Variants in SLC12A4 observed in about 807,000 individuals in gnomAD.
SLC12A4 encodes the protein solute carrier family 12 member 4, also known as electroneutral potassium-chloride cotransporter 1.
In SLC12A4, 84 loss-of-function variants were observed where a neutral mutation model predicts 119.2. The observed-to-expected ratio is 0.70, with a 90% CI of 0.59 to 0.85. SLC12A4 has a LOEUF of 0.85. Among genes scored for constraint, SLC12A4 ranks in the 40% least tolerant of loss-of-function variants. The probability of loss-of-function intolerance (pLI) is 0.00; values close to 1 mark genes in which losing one functional copy is unlikely to be tolerated. For missense variants in SLC12A4, 1,298 were observed against 1,476.3 expected, an observed-to-expected ratio of 0.88 and a Z score of 1.98; for synonymous variants, 599 against 604.6, an observed-to-expected ratio of 0.99 and a Z score of 0.14.
chr16:67,949,972 GC>G lies in SLC12A4; in HGVS notation c.1630-55del. The G allele has an allele frequency of 7.1e-7, 1 of 1,416,846 alleles. No homozygotes were observed. The highest frequency in any genetic ancestry group is 9.9e-7 in the Non-Finnish European group (1 of 1,006,068). 87.8% of individuals were successfully genotyped at this position (1,416,846 alleles called of 1,614,324 possible). ...CTGTCACCCCCATTCCACACCTTGG[GC>G]CCCAGACCCCAGCCTGGCCTCCCTC... is the stretch of plus-strand genomic sequence containing the variant. On this transcript the variant is annotated intron_variant, in intron 12 of 23. Transcript: ENST00000316341. The surrounding 1 kb of genome is among the most constrained non-coding windows in gnomAD (Gnocchi z 4.6).
chr16:67,948,747 A>C (rs962825590), intron 13 of SLC12A4, among the ~76,000 whole-genome samples: 3 of 152,052 alleles, frequency 2.0e-5, no homozygotes, highest in Non-Finnish European at 4.4e-5. Flanking sequence ...ATAAAGGCTG[A>C]GATGTAGCCT....
intron 1 of SLC12A4, among the ~76,000 whole-genome samples, chr16:67,964,647 G>A (rs1359684962): frequency 6.6e-6 from 1 of 152,176 alleles, no homozygotes; most frequent in Admixed American, 6.5e-5. Flanking sequence ...GACATGAGAA[G>A]GACTGGCATG....
rs1443956775 is a variant in SLC12A4 at position 67,963,524 on chromosome 16, A to G, written c.151T>C (p.Ser51Pro). The G allele has an allele frequency of 3.2e-6, 5 of 1,585,562 alleles. No individual in the cohort carries two copies. Among genetic ancestry groups the G allele is most frequent in the Non-Finnish European group, 3.4e-6 (4 of 1,171,304 alleles). The change falls in exon 2 of 24, where the codon TCC (serine) becomes CCC (proline). Residue 51 changes from serine (S) to proline (P), a missense_variant. Coordinates refer to ENST00000316341, the MANE Select transcript of SLC12A4 (RefSeq NM_005072.5). ...ATTCCTCTGGAAGCCTCCAAGGGGG[A>G]AAGAAAAGGGCTGCTCTCTCTGTGG... is the stretch of plus-strand genomic sequence containing the variant. ...GNHRESSPFL[S>P]PLEASRGIDY...
chr16:67,960,151 C>A (rs1349179502), intron 3 of SLC12A4, among the ~76,000 whole-genome samples: 2 of 152,242 alleles, frequency 1.3e-5, no homozygotes, highest in Non-Finnish European at 2.9e-5. Context: ...GCCCAGGCAT[C>A]CCTCCCACAT....
In SLC12A4 at chr16:67,951,565, C is replaced by T; in HGVS notation, c.1132+258G>A. On this transcript the variant is annotated intron_variant, in intron 8 of 23. Coordinates refer to ENST00000316341, the MANE Select transcript of SLC12A4 (RefSeq NM_005072.5). This position sits in a 1 kb window ranked among gnomAD's most constrained non-coding sequence, Gnocchi z 5.2. The stretch of plus-strand genomic sequence containing the variant: ...CCTTCCACAGAGGCCTTTATGGATC[C>T]TGTGGGAACATCCCCAGGCAGTGTC... The T allele has an allele frequency of 1.6e-6, 1 of 609,094 alleles. No homozygotes were observed. Among genetic ancestry groups the T allele is most frequent in the Non-Finnish European group, 2.9e-6 (1 of 346,510 alleles). 37.7% of individuals were successfully genotyped at this position (609,094 alleles called of 1,614,324 possible). A position where few individuals can be genotyped will look rare whatever the true frequency, so the allele number is the denominator to read the frequency against.
At position 67,945,827 on chromosome 16, in the gene SLC12A4, C is replaced by T. The variant is rs2058338265; in HGVS notation, c.2784G>A (p.Met928Ile). 6.2e-7 allele frequency: 1 copy of T among 1,613,994 alleles called. No individual in the cohort carries two copies. The highest frequency in any genetic ancestry group is 8.5e-7 in the Non-Finnish European group (1 of 1,180,036). Residue 928 changes from methionine (M) to isoleucine (I), a missense_variant, in exon 21 of 24, where the codon ATG becomes ATA. By Grantham distance (10) the Met-to-Ile change is conservative. Transcript: ENST00000316341. ...GCAGCATCTGCGACCGCTGCTCCATCATCAGCGTCCGCTCGTAGGTGTATG... is the reference window on the plus strand; with the variant it reads ...GCAGCATCTGCGACCGCTGCTCCATTATCAGCGTCCGCTCGTAGGTGTATG... ...ISAYTYERTL[M>I]MEQRSQMLRQ...
intron 6 of SLC12A4, 72 bp downstream of exon 6, chr16:67,954,571 G>C: frequency 6.3e-7 from 1 of 1,585,262 alleles, no homozygotes; most frequent in East Asian, 2.2e-5. Flanking sequence ...TGAACAGCCT[G>C]AGCCTTCTGT....
intron 6 of SLC12A4, among the ~76,000 whole-genome samples, chr16:67,953,395 T>C (rs1411676116): frequency 6.6e-6 from 1 of 151,784 alleles, no homozygotes; most frequent in Non-Finnish European, 1.5e-5. Flanking sequence ...TCAAAACAAA[T>C]AAATAAATAA....
chr16:67,949,349 G>A lies in SLC12A4; in HGVS notation c.1748+451C>T, dbSNP rs1470612614. 6.6e-6 allele frequency among the ~76,000 whole-genome samples: 1 copy of A among 152,108 alleles called. No homozygotes were observed. Among genetic ancestry groups the A allele is most frequent in the African/African-American group, 2.4e-5 (1 of 41,412 alleles). On this transcript the variant is annotated intron_variant, in intron 13 of 23. Coordinates refer to ENST00000316341, the MANE Select transcript of SLC12A4 (RefSeq NM_005072.5). This position sits in a 1 kb window ranked among gnomAD's most constrained non-coding sequence, Gnocchi z 4.6. ...TTCTGTAATCCCAGCTACTCAGGAG[G>A]CTGAGGCAGGAGAATTGCTTGAACC... is the stretch of plus-strand genomic sequence containing the variant.
At chr16:67,960,577 C>T (rs2030508565) in intron 3 of SLC12A4, among the ~76,000 whole-genome samples, 1 of 151,162 alleles carries the variant, frequency 6.6e-6, no homozygotes, top group African/African-American at 2.4e-5. Context: ...CAGCCAGGAG[C>T]GCCTTCTGCT....
chr16:67,959,064 G>A (rs1454117642), intron 3 of SLC12A4, among the ~76,000 whole-genome samples: 1 of 152,200 alleles, frequency 6.6e-6, no homozygotes, highest in Non-Finnish European at 1.5e-5. Flanking sequence ...AGTGAGTGGT[G>A]CTTTGGAAGC....
rs917136981 is a variant in SLC12A4, at chr16:67,945,838, G to A, written c.2773C>T (p.Arg925Trp). The stretch of plus-strand genomic sequence containing the variant: ...GACCGCTGCTCCATCATCAGCGTCC[G>A]CTCGTAGGTGTATGCAGAGATGTCA... ...NSDISAYTYE[R>W]TLMMEQRSQM... The change falls in exon 21 of 24, where the codon CGG becomes TGG. Residue 925 changes from arginine to tryptophan, a missense_variant. Coordinates refer to ENST00000316341, the MANE Select transcript of SLC12A4 (RefSeq NM_005072.5). 24 of 1,613,886 alleles carry A rather than the reference G, an allele frequency of 1.5e-5. No homozygotes were observed. In the Admixed American group the frequency reaches 2.3e-4, roughly 16 times the overall value.
At position 67,952,370 on chromosome 16, in the gene SLC12A4, G is replaced by A. The variant is rs759888969; in HGVS notation, c.731C>T (p.Ser244Leu). ...IFYPSGAHDTSNATLNNMRVY... is the reference protein window; with the variant it reads ...IFYPSGAHDTLNATLNNMRVY... ...ACGCATATTGTTCAAAGTGGCATTC[G>A]ACGTGTCATGAGCACCCGATGGGTA... Residue 244 changes from serine (S) to leucine (L), a missense_variant, in exon 7 of 24, where the codon TCG (serine) becomes TTG (leucine). By Grantham distance (145) the Ser-to-Leu change is moderately radical (BLOSUM62 -2). Transcript: ENST00000316341. 10 of 1,614,040 alleles carry A rather than the reference G, an allele frequency of 6.2e-6. No homozygotes were observed. The Admixed American group carries it at 6.7e-5, about 11-fold the overall frequency.
chr16:67,949,584 A>G lies in SLC12A4; in HGVS notation c.1748+216T>C. 2.1e-6 allele frequency: 1 copy of G among 466,462 alleles called. No homozygotes were observed. The highest frequency in any genetic ancestry group is 3.8e-6 in the Non-Finnish European group (1 of 265,344). The allele number at this position is 466,462 out of a possible 1,614,324, so 28.9% of individuals were successfully genotyped here. ...GCCGGCCACCTGCTCTGGGGGCCTC[A>G]GGGAGGTGTGGACATATTGGTCACC... On this transcript the variant is annotated intron_variant, in intron 13 of 23. Transcript: ENST00000316341. The surrounding 1 kb of genome is among the most constrained non-coding windows in gnomAD (Gnocchi z 4.6).
At chr16:67,956,641 G>A (rs2030276312) in intron 5 of SLC12A4, among the ~76,000 whole-genome samples, 2 of 151,904 alleles carry the variant, frequency 1.3e-5, no homozygotes, top group Admixed American at 6.6e-5. Context: ...CTGAGATCAT[G>A]CCACTGCACT....
At position 67,947,334 on chromosome 16, in the gene SLC12A4, C is replaced by T. The variant is rs1352326560; in HGVS notation, c.2069G>A (p.Trp690Ter). 1.2e-6 allele frequency: 2 copies of T among 1,611,746 alleles called. No individual in the cohort carries two copies. Reference protein sequence around the residue: ...LEEGPPHTKNWRPQLLVLLKL... With the variant: ...LEEGPPHTKN ...CCAGGGTCTGGCGGGAACTCACCGC[C>T]AGTTCTTGGTGTGAGGAGGCCCCTC... is the stretch of plus-strand genomic sequence containing the variant. The change falls in exon 16 of 24, where the codon TGG becomes TAG. Residue 690 changes from tryptophan (W) to a stop codon, truncating the protein, a stop_gained. Transcript: ENST00000316341. LOFTEE classifies it high-confidence loss of function.
chr16:67,963,642 AT>A, intron 1 of SLC12A4, 83 bp from the exon 2 acceptor site: 1 of 1,079,520 alleles, frequency 9.3e-7, no homozygotes, highest in Non-Finnish European at 1.3e-6. Context: ...TCCCCAAATC[AT>A]TTCTGTGGAG....
In SLC12A4 at chr16:67,949,680, C is replaced by A; in HGVS notation, c.1748+120G>T. 1.5e-6 allele frequency: 1 copy of A among 672,930 alleles called. No individual in the cohort carries two copies. The highest frequency in any genetic ancestry group is 2.5e-6 in the Non-Finnish European group (1 of 399,768). The allele number at this position is 672,930 out of a possible 1,614,324, so 41.7% of individuals were successfully genotyped here. On this transcript the variant is annotated intron_variant, in intron 13 of 23. Coordinates refer to ENST00000316341, the MANE Select transcript of SLC12A4 (RefSeq NM_005072.5). The surrounding 1 kb of genome is among the most constrained non-coding windows in gnomAD (Gnocchi z 4.6). ...TGGGCTGAGCCCTGTCAGGCCACAT[C>A]TCCCCATGCAGCCTGCCACATCTCC...
rs577870304 is a variant in SLC12A4 at position 67,968,568 on chromosome 16, C to A, written c.-15G>T. The A allele has an allele frequency of 8.6e-5, 129 of 1,499,026 alleles. 2 individuals are homozygous for A. The South Asian group carries it at 1.5e-3, about 18-fold the overall frequency. 92.9% of individuals were successfully genotyped at this position (1,499,026 alleles called of 1,614,324 possible). A position where few individuals can be genotyped will look rare whatever the true frequency, so the allele number is the denominator to read the frequency against. ...AAGTGAGGCATCGTGCGGGCTCGGC[C>A]CCGCCGCACCCGCCGTCCCAGCCGC... On this transcript the variant is annotated 5_prime_UTR_variant, in exon 1 of 24. Coordinates refer to ENST00000316341, the MANE Select transcript of SLC12A4 (RefSeq NM_005072.5).
Sources: allele counts gnomAD v4.1 joint callset (sites outside exome capture counted in the v4.1 genomes callset), GRCh38; gene constraint gnomAD v4.1.1; non-coding constraint Gnocchi (gnomAD v3.1); transcripts MANE v1.5; gene names NCBI Gene and HGNC (gene_info 2026-07-23, HGNC 2026-07-21).